The following SYT9 variants were observed in gnomAD, a reference collection of about 807,000 sequenced individuals.
The protein encoded by SYT9 is synaptotagmin 9.
A neutral mutation model predicts 48.4 loss-of-function variants in SYT9; 22 were observed. The observed-to-expected ratio is 0.45, with a 90% CI of 0.32 to 0.65. The LOEUF (loss-of-function observed/expected upper bound fraction) is 0.65. Ranked by LOEUF, SYT9 falls within the 30% of genes least tolerant of loss-of-function variation. The pLI is 0.03. For synonymous variants in SYT9, 265 were observed against 245.0 expected, an observed-to-expected ratio of 1.08 and a Z score of -0.76; for missense variants, 577 against 622.0, an observed-to-expected ratio of 0.93 and a Z score of 0.77.
rs1247187340 is a variant in SYT9 at position 7,340,740 on chromosome 11, A to T, written c.1044+26799A>T. Among the ~76,000 whole-genome samples the T allele has an allele frequency of 5.3e-5, 8 of 152,296 alleles. No individual in the cohort carries two copies. In the East Asian group the frequency reaches 1.5e-3, roughly 29 times the overall value. The stretch of plus-strand genomic sequence containing the variant: ...GGGTGATGGCTGCAAGACAGCAAAG[A>T]TGGTAATCCACCCTTCCCACTGGGA... On this transcript the variant is annotated intron_variant, in intron 3 of 6. Coordinates refer to ENST00000318881, the MANE Select transcript of SYT9 (RefSeq NM_175733.4).
intron 6 of SYT9, among the ~76,000 whole-genome samples, chr11:7,463,915 CTA>C (rs759477776): frequency 1.8e-4 from 27 of 152,178 alleles, no homozygotes; most frequent in Non-Finnish European, 3.4e-4. Flanking sequence ...GGGAGCTGTG[CTA>C]TGACTTGGCC....
At chr11:7,331,378 C>G (rs1849526216) in intron 3 of SYT9, among the ~76,000 whole-genome samples, 1 of 151,512 alleles carries the variant, frequency 6.6e-6, no homozygotes, top group Non-Finnish European at 1.5e-5. Context: ...CAATTACCTT[C>G]TATTATTTCA....
intron 6 of SYT9, among the ~76,000 whole-genome samples, chr11:7,433,131 C>A (rs1453716960): frequency 3.9e-5 from 6 of 152,194 alleles, no homozygotes; most frequent in Middle Eastern, 3.4e-3. Flanking sequence ...CCTCCACCCC[C>A]CTTGCTCCTG....
intron 3 of SYT9, among the ~76,000 whole-genome samples, chr11:7,412,307 A>C (rs4758181): frequency 1 from 152,300 of 152,342 alleles, 76,129 homozygotes; most frequent in Non-Finnish European, 1. Flanking sequence ...ACAATCACTT[A>C]TTCCATGTTT....
At chr11:7,348,300 C>T (rs1353862322) in intron 3 of SYT9, among the ~76,000 whole-genome samples, 2 of 152,166 alleles carry the variant, frequency 1.3e-5, no homozygotes, top group Non-Finnish European at 2.9e-5. Flanking sequence ...AGAAATGTCA[C>T]CAGATGGCCC....
At chr11:7,292,313 A>C (rs991077078) in intron 1 of SYT9, among the ~76,000 whole-genome samples, 1 of 152,222 alleles carries the variant, frequency 6.6e-6, no homozygotes, top group African/African-American at 2.4e-5. Flanking sequence ...GGAAGTGTAA[A>C]GATTTGAGCC....
chr11:7,322,692 C>G (rs1172002901), intron 3 of SYT9, among the ~76,000 whole-genome samples: 2 of 152,108 alleles, frequency 1.3e-5, no homozygotes, highest in East Asian at 3.8e-4. Flanking sequence ...TATATACCAT[C>G]AAGATATGAA....
intron 2 of SYT9, among the ~76,000 whole-genome samples, chr11:7,312,936 A>G (rs920393973): frequency 6.6e-6 from 1 of 152,250 alleles, no homozygotes; most frequent in Non-Finnish European, 1.5e-5. Flanking sequence ...TTATAAAGCT[A>G]TAAGCCAGTG....
At chr11:7,387,478 G>C (rs1850684006) in intron 3 of SYT9, among the ~76,000 whole-genome samples, 1 of 152,070 alleles carries the variant, frequency 6.6e-6, no homozygotes, top group Admixed American at 6.6e-5. Context: ...ATCTGTAGTT[G>C]TCGGAATTTA....
intron 1 of SYT9, among the ~76,000 whole-genome samples, chr11:7,261,482 G>A (rs1848078459): frequency 6.6e-6 from 1 of 152,094 alleles, no homozygotes; most frequent in South Asian, 2.1e-4. Flanking sequence ...ATACAGTAGG[G>A]AATGAAACAG....
chr11:7,251,140 T>G (rs1847860693), upstream of SYT9, among the ~76,000 whole-genome samples: 1 of 126,012 alleles, frequency 7.9e-6, no homozygotes, highest in Non-Finnish European at 1.7e-5. Context: ...ACACCCAGAG[T>G]ACTTCGTGGT....
intron 3 of SYT9, among the ~76,000 whole-genome samples, chr11:7,354,696 T>G (rs1038094742): frequency 1.3e-5 from 2 of 152,172 alleles, no homozygotes; most frequent in South Asian, 2.1e-4. Flanking sequence ...GCACTGCTAC[T>G]TCATTGCAAG....
intron 3 of SYT9, among the ~76,000 whole-genome samples, chr11:7,334,933 C>T (rs1394613367): frequency 6.6e-6 from 1 of 152,126 alleles, no homozygotes; most frequent in East Asian, 1.9e-4. Context: ...GTAAAGCTGC[C>T]ATGAACATTC....
chr11:7,352,813 A>C (rs1005621118), intron 3 of SYT9, among the ~76,000 whole-genome samples: 1 of 152,214 alleles, frequency 6.6e-6, no homozygotes, highest in Non-Finnish European at 1.5e-5. Context: ...ATCAAAGAGT[A>C]AGCCATTTGG....
chr11:7,363,723 C>G (rs1219956807), intron 3 of SYT9, among the ~76,000 whole-genome samples: 1 of 152,098 alleles, frequency 6.6e-6, no homozygotes, highest in Non-Finnish European at 1.5e-5. Flanking sequence ...AATCTAACAT[C>G]ATGGAATCCA....
intron 6 of SYT9, among the ~76,000 whole-genome samples, chr11:7,422,358 ATAGT>A (rs1204535272): frequency 6.6e-6 from 1 of 152,164 alleles, no homozygotes; most frequent in African/African-American, 2.4e-5. Context: ...GTTCTTAAGG[ATAGT>A]TCTGCCCGTG....
chr11:7,404,906 T>A (rs1846971663), intron 3 of SYT9, among the ~76,000 whole-genome samples: 1 of 152,142 alleles, frequency 6.6e-6, no homozygotes, highest in Non-Finnish European at 1.5e-5. Flanking sequence ...AGTTTATAGA[T>A]CGACAGATAG....
chr11:7,437,220 A>G (rs1478590107), intron 6 of SYT9, among the ~76,000 whole-genome samples: 1 of 152,144 alleles, frequency 6.6e-6, no homozygotes. Flanking sequence ...CTTCACAAAG[A>G]CTTTAGTGTT....
intron 3 of SYT9, among the ~76,000 whole-genome samples, chr11:7,397,365 T>A (rs1846775453): frequency 6.6e-6 from 1 of 152,198 alleles, no homozygotes; most frequent in East Asian, 1.9e-4. Context: ...CCTCTTCATT[T>A]TGTTCCATTG....
Sources: allele counts gnomAD v4.1 joint callset (sites outside exome capture counted in the v4.1 genomes callset), GRCh38; gene constraint gnomAD v4.1.1; transcripts MANE v1.5; gene names NCBI Gene and HGNC (gene_info 2026-07-23, HGNC 2026-07-21).